The following SPATS2 variants were observed in gnomAD, a reference collection of about 807,000 sequenced individuals.
The protein encoded by SPATS2 is spermatogenesis associated serine rich 2.
Under a neutral mutation model 63.7 loss-of-function variants are expected in SPATS2, and 38 were observed. That is an observed-to-expected ratio of 0.60 (90% confidence interval 0.46 to 0.78). The LOEUF (loss-of-function observed/expected upper bound fraction) is 0.78, where lower values mean the gene tolerates loss of function less well. Ranked by LOEUF, SPATS2 falls within the 30% of genes least tolerant of loss-of-function variation. The pLI, the probability that SPATS2 is intolerant of heterozygous loss-of-function variation, is 0.00. For missense variants in SPATS2, 588 were observed against 666.2 expected (o/e 0.88, Z 1.29); for synonymous variants, 207 against 232.9 (o/e 0.89, Z 1.01).
intron 2 of SPATS2, among the ~76,000 whole-genome samples, chr12:49,458,246 T>C (rs1945754503): frequency 6.6e-6 from 1 of 152,206 alleles, no homozygotes; most frequent in Non-Finnish European, 1.5e-5. Context: ...GGCAGACTGA[T>C]CACTGGAGGT....
intron 2 of SPATS2, among the ~76,000 whole-genome samples, chr12:49,431,024 G>T (rs7968593): frequency 0.082 from 12,504 of 152,030 alleles, 719 homozygotes; most frequent in Middle Eastern, 0.13. Context: ...TAATTTTTTT[G>T]AACAGATAAG....
At chr12:49,441,986 T>A (rs1250964459) in intron 2 of SPATS2, among the ~76,000 whole-genome samples, 1 of 152,118 alleles carries the variant, frequency 6.6e-6, no homozygotes, top group Non-Finnish European at 1.5e-5. Context: ...GTGGTTTTCT[T>A]CAGGAAACAA....
intron 2 of SPATS2, among the ~76,000 whole-genome samples, chr12:49,407,801 T>C (rs1037168854): frequency 1.4e-4 from 21 of 152,240 alleles, no homozygotes; most frequent in African/African-American, 5.1e-4. Context: ...AAAAATGACC[T>C]ACTGCCTCTT....
intron 9 of SPATS2, chr12:49,512,975 C>A: frequency 8.2e-7 from 1 of 1,226,848 alleles, no homozygotes; most frequent in Non-Finnish European, 1.1e-6. Context: ...CAGTTTGATG[C>A]TTTTGGATTA....
intron 6 of SPATS2, among the ~76,000 whole-genome samples, chr12:49,492,790 G>A (rs569279896): frequency 6.1e-4 from 93 of 152,154 alleles, no homozygotes; most frequent in Admixed American, 1.3e-3. Context: ...TTCACATGGG[G>A]GAAAGTAAGA....
At chr12:49,514,722 A>T in intron 10 of SPATS2, 109 bp downstream of exon 10, 1 of 945,662 alleles carries the variant, frequency 1.1e-6, no homozygotes, top group Non-Finnish European at 1.6e-6. Context: ...AAGAGTTTAT[A>T]TATTTAAATA....
chr12:49,500,252 A>G (rs764146499), intron 9 of SPATS2, 47 bp downstream of exon 9: 6 of 1,557,742 alleles, frequency 3.9e-6, no homozygotes, highest in Non-Finnish European at 5.2e-6. Context: ...ATGATCATAT[A>G]TAAATATAAA....
chr12:49,474,059 G>C (rs1226633590), intron 3 of SPATS2, among the ~76,000 whole-genome samples: 1 of 152,170 alleles, frequency 6.6e-6, no homozygotes, highest in African/African-American at 2.4e-5. Flanking sequence ...TTGGGTATTT[G>C]CTTTGTGATA....
At chr12:49,486,342 GA>G (rs1565745350) in intron 4 of SPATS2, 3 of 365,456 alleles carry the variant, frequency 8.2e-6, no homozygotes, top group Non-Finnish European at 1.1e-5. Flanking sequence ...TGTAGCTGGG[GA>G]TACAGGTGCG....
At chr12:49,493,376 A>G (rs1363040247) in intron 6 of SPATS2, among the ~76,000 whole-genome samples, 1 of 151,896 alleles carries the variant, frequency 6.6e-6, no homozygotes, top group African/African-American at 2.4e-5. Flanking sequence ...CAAAAGTACA[A>G]GAGTTAATAC....
chr12:49,505,512 C>A (rs1592467433), intron 9 of SPATS2, among the ~76,000 whole-genome samples: 1 of 152,040 alleles, frequency 6.6e-6, no homozygotes, highest in East Asian at 1.9e-4. Context: ...AGTTGAGCAT[C>A]CCTAATCTAA....
chr12:49,518,611 AAG>A (rs1592480799), intron 10 of SPATS2, among the ~76,000 whole-genome samples: 1 of 152,228 alleles, frequency 6.6e-6, no homozygotes, highest in Non-Finnish European at 1.5e-5. Context: ...GAAGGGAAAA[AAG>A]AGAGCTACAT....
chr12:49,431,650 T>A (rs1945188488), intron 2 of SPATS2, among the ~76,000 whole-genome samples: 1 of 152,232 alleles, frequency 6.6e-6, no homozygotes, highest in African/African-American at 2.4e-5. Context: ...GTTTGAATAT[T>A]TTGCTCTTAT....
chr12:49,388,235 C>T (rs1944354802), intron 2 of SPATS2, among the ~76,000 whole-genome samples: 1 of 152,090 alleles, frequency 6.6e-6, no homozygotes, highest in African/African-American at 2.4e-5. Context: ...TCTTCGTAAG[C>T]TGTACATAGT....
chr12:49,394,389 G>T (rs1206002903), intron 2 of SPATS2, among the ~76,000 whole-genome samples: 3 of 149,408 alleles, frequency 2.0e-5, no homozygotes, highest in Non-Finnish European at 4.4e-5. Context: ...TGCAAAAAAA[G>T]TCTGCTGGGA....
chr12:49,422,401 C>T (rs1944998780), intron 2 of SPATS2, among the ~76,000 whole-genome samples: 1 of 152,164 alleles, frequency 6.6e-6, no homozygotes, highest in Non-Finnish European at 1.5e-5. Flanking sequence ...AGCCCTCAAG[C>T]CTTCCTGCTT....
chr12:49,484,806 G>A, intron 4 of SPATS2, 137 bp downstream of exon 4: 1 of 700,080 alleles, frequency 1.4e-6, no homozygotes, highest in Non-Finnish European at 2.4e-6. Context: ...ATCAGAGAGT[G>A]ACGGCCATAA....
At chr12:49,405,838 T>G (rs937471448) in intron 2 of SPATS2, among the ~76,000 whole-genome samples, 47 of 152,352 alleles carry the variant, frequency 3.1e-4, no homozygotes, top group African/African-American at 1.1e-3. Flanking sequence ...TTCATCTGCC[T>G]TCTAACAAAC....
In SPATS2 at chr12:49,436,365, A is replaced by G. The variant is rs867098834; in HGVS notation, c.-243-24405A>G. Among the ~76,000 whole-genome samples the G allele has an allele frequency of 8.3e-5, 12 of 144,082 alleles. No homozygotes were observed. In the Middle Eastern group the frequency reaches 0.012, roughly 146 times the overall value. 94.5% of individuals were successfully genotyped at this position (144,082 alleles called of 152,430 possible). ...GGGCGGCCGGGCAGAGGCGCCCCTC[A>G]TCTCCCGGATGGGGCAGCTGGCCGG... On this transcript the variant is annotated intron_variant, in intron 2 of 13. Transcript: ENST00000552918.
Sources: gnomAD v4.1 joint callset for allele counts (sites outside exome capture counted in the v4.1 genomes callset) on GRCh38, gnomAD v4.1.1 for gene constraint, MANE v1.5 for transcripts, NCBI Gene and HGNC (gene_info 2026-07-23, HGNC 2026-07-21) for gene names.